GRK5: variants seen among roughly 807,000 people sequenced by gnomAD.
GRK5 encodes G protein-coupled receptor kinase 5, also known as g protein-coupled receptor kinase GRK5.
A neutral mutation model predicts 78.4 loss-of-function variants in GRK5; 40 were observed. The observed-to-expected ratio is 0.51, with a 90% confidence interval of 0.40 to 0.66. The LOEUF is 0.66. GRK5 is among the 30% of genes least tolerant of loss of function. GRK5 has a pLI of 0.00. For missense variants in GRK5, 598 were observed against 759.9 expected (o/e 0.79, Z 2.50); for synonymous variants, 289 against 296.8 (o/e 0.97, Z 0.27).
chr10:119,332,531 G>C (rs1042356707), intron 2 of GRK5, among the ~76,000 whole-genome samples: 3 of 152,162 alleles, frequency 2.0e-5, no homozygotes, highest in African/African-American at 7.2e-5. Context: ...CATCATTGTA[G>C]GTTGTTGTCT....
chr10:119,235,817 G>A (rs1008084924), intron 1 of GRK5, among the ~76,000 whole-genome samples: 2 of 152,144 alleles, frequency 1.3e-5, no homozygotes, highest in African/African-American at 2.4e-5. Flanking sequence ...TAGACAATAG[G>A]TGCTCAATAA....
At chr10:119,335,655 G>A (rs756326191) in intron 2 of GRK5, among the ~76,000 whole-genome samples, 1 of 152,234 alleles carries the variant, frequency 6.6e-6, no homozygotes. Flanking sequence ...GAGCCACTGC[G>A]CCCAGCCTGC....
chr10:119,324,028 T>C (rs10886459), intron 1 of GRK5, among the ~76,000 whole-genome samples: 152,180 of 152,342 alleles, frequency 1, 76,009 homozygotes, highest in East Asian at 1. Context: ...CCGGTCTGGC[T>C]TGCAGCTTTT....
intron 9 of GRK5, among the ~76,000 whole-genome samples, chr10:119,437,147 C>T (rs1025731934): frequency 6.6e-6 from 1 of 152,250 alleles, no homozygotes; most frequent in African/African-American, 2.4e-5. Flanking sequence ...GTGACCACTG[C>T]TCCCTCCAGT....
chr10:119,385,066 G>A (rs1282733300), intron 3 of GRK5, among the ~76,000 whole-genome samples: 1 of 151,998 alleles, frequency 6.6e-6, no homozygotes, highest in African/African-American at 2.4e-5. Flanking sequence ...TTACAGGCAG[G>A]GAACAGCCAG....
intron 3 of GRK5, among the ~76,000 whole-genome samples, chr10:119,389,606 C>T (rs1348377215): frequency 6.6e-6 from 1 of 152,214 alleles, no homozygotes; most frequent in Non-Finnish European, 1.5e-5. Flanking sequence ...ATGATGTCAC[C>T]CCCAAGCTGC....
At chr10:119,249,487 CATTTT>C (rs201606707) in intron 1 of GRK5, among the ~76,000 whole-genome samples, 17 of 151,864 alleles carry the variant, frequency 1.1e-4, no homozygotes, top group Non-Finnish European at 1.8e-4. Flanking sequence ...ACACTTTAAA[CATTTT>C]ATTTTATTTT....
Position 119,455,507 on chromosome 10 carries a change from G to T in GRK5, c.*440G>T. On this transcript the variant is annotated 3_prime_UTR_variant, in exon 16 of 16. Transcript: ENST00000392870. ...CTGTGCAGCCACTGTTAAGCCATGTGTTCCAAGGCATTTTAGCGGGGAGGG... is the reference window on the plus strand; with the variant it reads ...CTGTGCAGCCACTGTTAAGCCATGTTTTCCAAGGCATTTTAGCGGGGAGGG... The T allele has an allele frequency of 3.3e-6, 1 of 304,924 alleles. No individual in the cohort carries two copies. The highest frequency in any genetic ancestry group is 6.3e-6 in the Non-Finnish European group (1 of 159,396). 18.9% of individuals were successfully genotyped at this position (304,924 alleles called of 1,614,324 possible).
chr10:119,452,548 T>A lies in GRK5; in HGVS notation c.1405-123T>A. On this transcript the variant is annotated intron_variant, in intron 13 of 15. Coordinates refer to ENST00000392870, the MANE Select transcript of GRK5 (RefSeq NM_005308.3). The surrounding 1 kb of genome is among the most constrained non-coding windows in gnomAD (Gnocchi z 4.4). ...CCACACACCCTCCAGCCACTACCCA[T>A]AGCAGTTCTGGGGGTGTGTCCTGGG... is the stretch of plus-strand genomic sequence containing the variant. The A allele has an allele frequency of 8.7e-7, 1 of 1,149,844 alleles. No homozygotes were observed. The highest frequency in any genetic ancestry group is 1.2e-6 in the Non-Finnish European group (1 of 808,774). The allele number at this position is 1,149,844 out of a possible 1,614,324, so 71.2% of individuals were successfully genotyped here. A position where few individuals can be genotyped will look rare whatever the true frequency, so the allele number is the denominator to read the frequency against.
At chr10:119,339,609 A>G (rs1326228467) in intron 2 of GRK5, among the ~76,000 whole-genome samples, 1 of 152,028 alleles carries the variant, frequency 6.6e-6, no homozygotes, top group African/African-American at 2.4e-5. Flanking sequence ...AAAAACAAAA[A>G]CTAGCTAGGC....
In GRK5 at chr10:119,456,000, C is replaced by T. The variant is rs1317217595; in HGVS notation, c.*933C>T. The T allele has an allele frequency of 6.6e-6, 1 of 152,362 alleles. No homozygotes were observed. The highest frequency in any genetic ancestry group is 1.5e-5 in the Non-Finnish European group (1 of 68,160). 9.4% of individuals were successfully genotyped at this position (152,362 alleles called of 1,614,324 possible). ...TGGGGGATTTTTGCTCTATTTTTAA[C>T]AGAAGCATAGGACCGTAAAGATGTG... On this transcript the variant is annotated 3_prime_UTR_variant, in exon 16 of 16. Coordinates refer to ENST00000392870, the MANE Select transcript of GRK5 (RefSeq NM_005308.3).
intron 1 of GRK5, among the ~76,000 whole-genome samples, chr10:119,234,608 C>T (rs1317035155): frequency 6.6e-6 from 1 of 151,926 alleles, no homozygotes; most frequent in Non-Finnish European, 1.5e-5. Flanking sequence ...TTTTTCTTTT[C>T]TTTTCTCCTT....
chr10:119,229,052 A>G (rs955268855), intron 1 of GRK5, among the ~76,000 whole-genome samples: 1 of 151,760 alleles, frequency 6.6e-6, no homozygotes, highest in African/African-American at 2.4e-5. Context: ...TACTGTTTTG[A>G]CTCCGCTAGA....
chr10:119,293,863 G>C (rs1156965918), intron 1 of GRK5, among the ~76,000 whole-genome samples: 1 of 152,190 alleles, frequency 6.6e-6, no homozygotes, highest in African/African-American at 2.4e-5. Context: ...GACGCCTTCA[G>C]ATGGAGGGGG....
intron 3 of GRK5, among the ~76,000 whole-genome samples, chr10:119,385,242 C>G (rs1851775515): frequency 6.7e-6 from 1 of 150,346 alleles, no homozygotes; most frequent in African/African-American, 2.5e-5. Context: ...GTGGCATGGT[C>G]TGACTTGGGG....
chr10:119,277,773 G>A (rs1459053138), intron 1 of GRK5, among the ~76,000 whole-genome samples: 2 of 152,034 alleles, frequency 1.3e-5, no homozygotes, highest in East Asian at 1.9e-4. Flanking sequence ...GCTTTCTGTC[G>A]CTCTGGATTC....
intron 2 of GRK5, among the ~76,000 whole-genome samples, chr10:119,342,705 C>T (rs1281135694): frequency 6.6e-6 from 1 of 152,218 alleles, no homozygotes; most frequent in African/African-American, 2.4e-5. Context: ...TGTTAAGCCC[C>T]TCTTCCTTCT....
intron 3 of GRK5, among the ~76,000 whole-genome samples, chr10:119,382,193 T>TCTGCCTTGGGCTTAGGGGAGGCC (rs1851722712): frequency 6.6e-6 from 1 of 151,418 alleles, no homozygotes; most frequent in African/African-American, 2.4e-5. Flanking sequence ...CTCTGCAGGC[T>TCTGCCTTGGGCTTAGGGGAGGCC]CTGCCTTGGG....
intron 2 of GRK5, among the ~76,000 whole-genome samples, chr10:119,340,104 G>GTTTT (rs1364002298): frequency 6.6e-6 from 1 of 150,916 alleles, no homozygotes; most frequent in African/African-American, 2.5e-5. Context: ...TTAAAGTGTG[G>GTTTT]TTTTTTTGTT....
Sources: allele counts gnomAD v4.1 joint callset (sites outside exome capture counted in the v4.1 genomes callset), GRCh38; gene constraint gnomAD v4.1.1; non-coding constraint Gnocchi (gnomAD v3.1); transcripts MANE v1.5; gene names NCBI Gene and HGNC (gene_info 2026-07-23, HGNC 2026-07-21).